The following SPATA21 variants were observed in gnomAD, a reference collection of about 807,000 sequenced individuals.
The protein encoded by SPATA21 is spermatogenesis-associated protein 21.
A neutral mutation model predicts 54.8 loss-of-function variants in SPATA21; 47 were observed. The observed-to-expected ratio is 0.86, with a 90% CI of 0.68 to 1.09. SPATA21 has a LOEUF of 1.09. SPATA21 is among the 50% of genes least tolerant of loss of function. SPATA21 has a pLI of 0.00. For synonymous variants in SPATA21, 245 were observed against 235.3 expected (o/e 1.04, Z -0.38); for missense variants, 599 against 596.4 (o/e 1.00, Z -0.05).
chr1:16,408,843 C>A (rs1440950672), intron 7 of SPATA21: 2 of 301,460 alleles, frequency 6.6e-6, no homozygotes, highest in African/African-American at 4.6e-5. Flanking sequence ...GCACTCCAGC[C>A]TGGGTGACAG....
rs987138004 is a variant in SPATA21 at position 16,409,512 on chromosome 1, C to A, written c.587+89G>T. On this transcript the variant is annotated intron_variant, in intron 6 of 12. Coordinates refer to ENST00000335496, the MANE Select transcript of SPATA21 (RefSeq NM_198546.1). This position sits in a 1 kb window ranked among gnomAD's most constrained non-coding sequence, Gnocchi z 4.1. ...AGAGGGGGACACACGAGGGAACAGG[C>A]AGGTGCAGGGACAGGGACCTGCATC... 2.2e-6 allele frequency: 3 copies of A among 1,354,536 alleles called. No homozygotes were observed. The highest frequency in any genetic ancestry group is 1.4e-5 in the African/African-American group (1 of 69,676). 83.9% of individuals were successfully genotyped at this position (1,354,536 alleles called of 1,614,324 possible). A position where few individuals can be genotyped will look rare whatever the true frequency, so the allele number is the denominator to read the frequency against.
Position 16,409,284 on chromosome 1 carries a change from T to C in SPATA21, c.588-81A>G. On this transcript the variant is annotated intron_variant, in intron 6 of 12. Transcript: ENST00000335496. This position sits in a 1 kb window ranked among gnomAD's most constrained non-coding sequence, Gnocchi z 4.1. ...AGCTAGGGGAGGGGTTGGGGGAGCC[T>C]GCAGGAGGAGGTCGTGGGGGAGGCT... 5 of 1,510,076 alleles carry C rather than the reference T, an allele frequency of 3.3e-6. No homozygotes were observed. Among genetic ancestry groups the C allele is most frequent in the Non-Finnish European group, 3.6e-6 (4 of 1,096,002 alleles). 93.5% of individuals were successfully genotyped at this position (1,510,076 alleles called of 1,614,324 possible).
intron 7 of SPATA21, among the ~76,000 whole-genome samples, chr1:16,405,753 G>A (rs1444251681): frequency 2.0e-5 from 3 of 152,100 alleles, no homozygotes; most frequent in Non-Finnish European, 2.9e-5. Context: ...GCTCTGGGAC[G>A]TTCTCAGACC....
At chr1:16,408,129 G>A (rs867834253) in intron 7 of SPATA21, among the ~76,000 whole-genome samples, 2 of 152,138 alleles carry the variant, frequency 1.3e-5, no homozygotes, top group African/African-American at 2.4e-5. Flanking sequence ...GGGAGCTAGT[G>A]AGAGCATCCA....
chr1:16,397,978 G>A, downstream of SPATA21: 2 of 744,426 alleles, frequency 2.7e-6, no homozygotes, highest in Non-Finnish European at 3.3e-6. The surrounding 1 kb of genome is among the most constrained non-coding windows in gnomAD (Gnocchi z 5.4). Context: ...GGGCCCCTTG[G>A]GTGTCTGAAC....
chr1:16,421,987 A>G lies in SPATA21; in HGVS notation c.35-16T>C, dbSNP rs747271793. On this transcript the variant is annotated splice_polypyrimidine_tract_variant and intron_variant, in intron 3 of 12. Coordinates refer to ENST00000335496, the MANE Select transcript of SPATA21 (RefSeq NM_198546.1). This position sits in a 1 kb window ranked among gnomAD's most constrained non-coding sequence, Gnocchi z 5.2. ...GTCTTTTCCTCTGGAGCCACGACGG[A>G]CATTGGGGGCATTGCTTCCTGAGAG... is the stretch of plus-strand genomic sequence containing the variant. The G allele has an allele frequency of 3.3e-5, 54 of 1,614,046 alleles. No homozygotes were observed. Among genetic ancestry groups the G allele is most frequent in the Admixed American group, 3.2e-4 (19 of 60,002 alleles).
In SPATA21 at chr1:16,403,835, G is replaced by A; in HGVS notation, c.893C>T (p.Ala298Val). The A allele has an allele frequency of 1.2e-6, 2 of 1,610,166 alleles. No homozygotes were observed. The highest frequency in any genetic ancestry group is 2.2e-5 in the South Asian group (2 of 90,452). ...GTTGTGGGGAGCCATGTCCGACAGG[G>A]CGTTCTGTTCTGGAGACATGGGATA... is the stretch of plus-strand genomic sequence containing the variant. ...RRFFCSVEQN[A>V]LSDMAPHNPH... The change falls in exon 10 of 13, where the codon GCC becomes GTC. Residue 298 changes from alanine (A) to valine (V), a missense_variant. Coordinates refer to ENST00000335496, the MANE Select transcript of SPATA21 (RefSeq NM_198546.1).
chr1:16,434,064 T>C (rs556118119), intron 1 of SPATA21, among the ~76,000 whole-genome samples: 1 of 152,234 alleles, frequency 6.6e-6, no homozygotes, highest in African/African-American at 2.4e-5. Context: ...TCTTAGTGGA[T>C]TTGTCTATTC....
At position 16,410,033 on chromosome 1, in the gene SPATA21, T is replaced by A. The variant is rs201947757; in HGVS notation, c.155A>T (p.Asp52Val). 1.2e-5 allele frequency: 18 copies of A among 1,558,946 alleles called. No individual in the cohort carries two copies. The African/African-American group carries it at 1.6e-4, about 14-fold the overall frequency. Residue 52 changes from aspartate (D) to valine (V), a missense_variant, in exon 6 of 13, where the codon GAC (aspartate) becomes GTC (valine). Coordinates refer to ENST00000335496, the MANE Select transcript of SPATA21 (RefSeq NM_198546.1). The part of the protein sequence containing the change: ...PGPLPPPEVR[D>V]IGERREPDRA... ...GTCTGGCTCCCGCCTCTCTCCAATG[T>A]CCCTCACCTCCTGGGGACAGGGGAG...
chr1:16,406,354 C>T (rs1299391603), intron 7 of SPATA21, among the ~76,000 whole-genome samples: 1 of 152,184 alleles, frequency 6.6e-6, no homozygotes, highest in East Asian at 1.9e-4. Flanking sequence ...CCAAATGTGC[C>T]TGTGTTTGAA....
rs112998420 is a variant in SPATA21 at position 16,434,349 on chromosome 1, G to C, written c.-186-1425C>G. Among the ~76,000 whole-genome samples the C allele has an allele frequency of 2.0e-5, 3 of 151,290 alleles. No individual in the cohort carries two copies. The South Asian group carries it at 6.3e-4, about 32-fold the overall frequency. Reference sequence around the variant, plus strand: ...CACTCAGGCTGGAGTGCAGCAGTGCGATCGTAGCTTACTATAGCCTCAAAC... The same window carrying C: ...CACTCAGGCTGGAGTGCAGCAGTGCCATCGTAGCTTACTATAGCCTCAAAC... On this transcript the variant is annotated intron_variant, in intron 1 of 12. Transcript: ENST00000335496.
At chr1:16,419,974 T>G (rs1364080167) in intron 5 of SPATA21, among the ~76,000 whole-genome samples, 1 of 151,804 alleles carries the variant, frequency 6.6e-6, no homozygotes, top group Non-Finnish European at 1.5e-5. Context: ...CCTGAAGATA[T>G]GGATTTGGGA....
At chr1:16,407,109 T>C (rs184119576) in intron 7 of SPATA21, among the ~76,000 whole-genome samples, 1 of 152,310 alleles carries the variant, frequency 6.6e-6, no homozygotes, top group African/African-American at 2.4e-5. Flanking sequence ...TGGCACACAA[T>C]AGCCTCTGTT....
chr1:16,417,865 C>T (rs1247885215), intron 5 of SPATA21, among the ~76,000 whole-genome samples: 1 of 152,214 alleles, frequency 6.6e-6, no homozygotes, highest in Non-Finnish European at 1.5e-5. Flanking sequence ...CCACTCACTG[C>T]ACCTGGCCCT....
At chr1:16,410,784 T>C in intron 5 of SPATA21, 1 of 373,848 alleles carries the variant, frequency 2.7e-6, no homozygotes, top group African/African-American at 2.1e-5. Context: ...TGACCTCAAG[T>C]GATCCTCCGC....
chr1:16,400,087 C>T (rs1412247597), intron 11 of SPATA21, among the ~76,000 whole-genome samples: 2 of 151,798 alleles, frequency 1.3e-5, no homozygotes, highest in Admixed American at 6.6e-5. Context: ...AGTGCAATGG[C>T]GTGATCTCGG....
At chr1:16,401,028 G>T in intron 10 of SPATA21, 136 bp from the exon 11 acceptor site, 1 of 1,041,698 alleles carries the variant, frequency 9.6e-7, no homozygotes, top group Non-Finnish European at 1.4e-6. Flanking sequence ...TCTAGTCTCA[G>T]CTCAGCCCTT....
chr1:16,403,882 C>T, intron 9 of SPATA21, 38 bp from the exon 10 acceptor site: 1 of 1,610,982 alleles, frequency 6.2e-7, no homozygotes, highest in African/African-American at 1.3e-5. Flanking sequence ...TACCACTGGG[C>T]AGTCCTGAAT....
intron 1 of SPATA21, among the ~76,000 whole-genome samples, chr1:16,436,879 A>C (rs1365208702): frequency 1.3e-5 from 2 of 152,120 alleles, no homozygotes; most frequent in African/African-American, 4.8e-5. Flanking sequence ...TAAATAAATA[A>C]ATAAATAAAA....
Sources: allele counts gnomAD v4.1 joint callset (sites outside exome capture counted in the v4.1 genomes callset), GRCh38; gene constraint gnomAD v4.1.1; non-coding constraint Gnocchi (gnomAD v3.1); transcripts MANE v1.5; gene names NCBI Gene and HGNC (gene_info 2026-07-23, HGNC 2026-07-21).